The following EPM2A variants were observed in gnomAD, a reference collection of about 807,000 sequenced individuals.
The protein encoded by EPM2A is laforin.
In EPM2A, 21 loss-of-function variants were observed where a neutral mutation model predicts 26.5. That is an observed-to-expected ratio of 0.79 (90% CI 0.56 to 1.14). EPM2A has a LOEUF of 1.14. Ranked by LOEUF, EPM2A falls within the 50% of genes most tolerant of loss-of-function variation. The pLI is 0.00. For missense variants in EPM2A, 458 were observed against 440.8 expected (o/e 1.04, Z -0.35); for synonymous variants, 217 against 177.6 (o/e 1.22, Z -1.76).
chr6:145,558,196 T>G (rs917139279), intron 2 of EPM2A, among the ~76,000 whole-genome samples: 1 of 152,138 alleles, frequency 6.6e-6, no homozygotes, highest in Admixed American at 6.6e-5. Flanking sequence ...AGTTCATATG[T>G]TGGGTATAGA....
chr6:145,517,318 A>C (rs1179503130), intron 2 of EPM2A, among the ~76,000 whole-genome samples: 1 of 152,230 alleles, frequency 6.6e-6, no homozygotes, highest in Non-Finnish European at 1.5e-5. Flanking sequence ...AAAAATGTTA[A>C]GAGGGTAGAT....
At chr6:145,680,695 T>C (rs909427859) in intron 2 of EPM2A, among the ~76,000 whole-genome samples, 13 of 152,286 alleles carry the variant, frequency 8.5e-5, no homozygotes, top group Non-Finnish European at 1.8e-4. Flanking sequence ...TCAAGCTTCA[T>C]CCATGTCCCT....
intron 4 of EPM2A, among the ~76,000 whole-genome samples, chr6:145,393,368 A>C (rs73785028): frequency 0.047 from 7,144 of 152,028 alleles, 381 homozygotes; most frequent in African/African-American, 0.13. Flanking sequence ...AAAATCACAG[A>C]TTGTTATTTT....
Position 145,735,304 on chromosome 6 carries a change from C to T in EPM2A, c.195G>A (p.Glu65=), listed in dbSNP as rs1470105844. The T allele has an allele frequency of 2.7e-6, 4 of 1,471,644 alleles. No individual in the cohort carries two copies. In the African/African-American group the frequency reaches 5.9e-5, roughly 22 times the overall value. The allele number at this position is 1,471,644 out of a possible 1,614,324, so 91.2% of individuals were successfully genotyped here. ...CCTGCGCCGCCTCCTCGGCCGCCAG[C>T]TCCACCTCCCCGAGCCACAGGCCCG... The part of the protein sequence containing the change: ...QEPGLWLGEV[E]LAAEEAAQDG... The change falls in exon 1 of 4, where the codon GAG becomes GAA. Residue 65 remains glutamate, a synonymous_variant. Coordinates refer to ENST00000367519, the MANE Select transcript of EPM2A (RefSeq NM_005670.4).
chr6:145,735,351 C>G lies in EPM2A; in HGVS notation c.148G>C (p.Gly50Arg), dbSNP rs753397854. ...CCCGGCTCCTGCAGGGCCAGGGCCC[C>G]GTCGCCCGCCGCGGTGCCGGCCGGC... ...LRPAGTAAGD[G>R]ALALQEPGLW... Residue 50 changes from glycine to arginine, a missense_variant, in exon 1 of 4, where the codon GGG becomes CGG. Physicochemically the swap from Gly to Arg is moderately radical, Grantham distance 125 (BLOSUM62 -2). Transcript: ENST00000367519. 10 of 1,204,006 alleles carry G rather than the reference C, an allele frequency of 8.3e-6. 1 individual carries two copies. Among genetic ancestry groups the G allele is most frequent in the South Asian group, 3.8e-5 (2 of 52,080 alleles). 74.6% of individuals were successfully genotyped at this position (1,204,006 alleles called of 1,614,324 possible).
chr6:145,653,891 G>C lies in EPM2A; in HGVS notation c.477-18405C>G, dbSNP rs147332582. Among the ~76,000 whole-genome samples the C allele has an allele frequency of 3.4e-3, 511 of 152,270 alleles. 1 individual carries two copies. Among genetic ancestry groups the C allele is most frequent in the African/African-American group, 0.01 (431 of 41,556 alleles). On this transcript the variant is annotated intron_variant, in intron 2 of 3. Coordinates refer to ENST00000367519, the MANE Select transcript of EPM2A (RefSeq NM_005670.4). ...TAGAATAATGTTTGACTGGCTATCTGGGTATCATGGCTTAGCCCAGTTGAC... is the reference window on the plus strand; with the variant it reads ...TAGAATAATGTTTGACTGGCTATCTCGGTATCATGGCTTAGCCCAGTTGAC...
intron 2 of EPM2A, among the ~76,000 whole-genome samples, chr6:145,547,712 T>G (rs1335547509): frequency 3.9e-5 from 6 of 152,142 alleles, no homozygotes; most frequent in Non-Finnish European, 7.4e-5. Context: ...CTTTTAGTTC[T>G]CTCTTGCTAT....
At chr6:145,433,553 C>T (rs1778948573) in intron 4 of EPM2A, among the ~76,000 whole-genome samples, 1 of 152,066 alleles carries the variant, frequency 6.6e-6, no homozygotes, top group African/African-American at 2.4e-5. Context: ...TGATTATCCT[C>T]ATGTCTAGCT....
chr6:145,476,538 G>C (rs951095918), intron 4 of EPM2A, among the ~76,000 whole-genome samples: 1 of 151,964 alleles, frequency 6.6e-6, no homozygotes, highest in African/African-American at 2.4e-5. Context: ...CTCAAGAACA[G>C]ACCATATGTT....
At chr6:145,425,282 TCCCA>T (rs1778840932) in intron 4 of EPM2A, among the ~76,000 whole-genome samples, 1 of 152,052 alleles carries the variant, frequency 6.6e-6, no homozygotes, top group African/African-American at 2.4e-5. Context: ...CAAGCGATTC[TCCCA>T]CCTCGGCCTC....
chr6:145,714,071 A>T (rs1583107684), intron 1 of EPM2A, among the ~76,000 whole-genome samples: 1 of 152,194 alleles, frequency 6.6e-6, no homozygotes, highest in Non-Finnish European at 1.5e-5. Flanking sequence ...TTGCCTGAGG[A>T]TAGGGAAGGG....
intron 2 of EPM2A, among the ~76,000 whole-genome samples, chr6:145,652,281 T>C (rs1333191348): frequency 6.6e-6 from 1 of 152,148 alleles, no homozygotes; most frequent in Non-Finnish European, 1.5e-5. Context: ...AATCAATTAA[T>C]GGACTTCAAA....
At chr6:145,653,265 TA>T (rs1406901469) in intron 2 of EPM2A, among the ~76,000 whole-genome samples, 2 of 152,156 alleles carry the variant, frequency 1.3e-5, no homozygotes, top group Non-Finnish European at 2.9e-5. Flanking sequence ...GTTCTTGTGA[TA>T]GGGGGTGATT....
chr6:145,403,419 T>C (rs1213426101), intron 4 of EPM2A, among the ~76,000 whole-genome samples: 1 of 127,024 alleles, frequency 7.9e-6, no homozygotes, highest in Non-Finnish European at 1.6e-5. Flanking sequence ...GCCCCTGCTC[T>C]ACACTACCCT....
intron 4 of EPM2A, among the ~76,000 whole-genome samples, chr6:145,395,908 C>T (rs906228721): frequency 8.5e-5 from 13 of 152,160 alleles, no homozygotes; most frequent in African/African-American, 3.1e-4. Flanking sequence ...CGGCCAGGTG[C>T]CTAATCTGCC....
At chr6:145,532,000 G>A (rs1176476393) in intron 2 of EPM2A, among the ~76,000 whole-genome samples, 1 of 152,092 alleles carries the variant, frequency 6.6e-6, no homozygotes, top group Admixed American at 6.6e-5. Context: ...ACCCCCAGTG[G>A]GGTTCCTTAG....
chr6:145,572,515 G>A (rs1225043098), intron 2 of EPM2A, among the ~76,000 whole-genome samples: 1 of 152,178 alleles, frequency 6.6e-6, no homozygotes, highest in Non-Finnish European at 1.5e-5. Context: ...GTTCATGATA[G>A]GCTGGTCAGG....
chr6:145,716,654 C>T (rs1583113507), intron 1 of EPM2A, among the ~76,000 whole-genome samples: 1 of 152,076 alleles, frequency 6.6e-6, no homozygotes, highest in South Asian at 2.1e-4. Context: ...AGTCTTCTCA[C>T]TCAGGATTCC....
At chr6:145,612,342 G>C (rs1006047955) in intron 2 of EPM2A, among the ~76,000 whole-genome samples, 1 of 152,126 alleles carries the variant, frequency 6.6e-6, no homozygotes, top group Admixed American at 6.5e-5. Flanking sequence ...ATACAAAGCA[G>C]AGAAAAGAGT....
Sources: allele counts gnomAD v4.1 joint callset (sites outside exome capture counted in the v4.1 genomes callset), GRCh38; gene constraint gnomAD v4.1.1; transcripts MANE v1.5; gene names NCBI Gene and HGNC (gene_info 2026-07-23, HGNC 2026-07-21).